Variants in COA1 observed in about 807,000 individuals in gnomAD.
The protein encoded by COA1 is cytochrome c oxidase assembly factor 1 homolog.
A neutral mutation model predicts 16.0 loss-of-function variants in COA1; 13 were observed. The observed-to-expected ratio is 0.81, with a 90% confidence interval of 0.53 to 1.29. COA1 has a LOEUF of 1.29. Ranked by LOEUF, COA1 falls within the 50% of genes most tolerant of loss-of-function variation. COA1 has a pLI of 0.00. For synonymous variants in COA1, 65 were observed against 65.7 expected, an observed-to-expected ratio of 0.99 and a Z score of 0.05; for missense variants, 179 against 177.0, an observed-to-expected ratio of 1.01 and a Z score of -0.06.
At chr7:43,681,829 GA>G (rs1410018808) in intron 1 of COA1, among the ~76,000 whole-genome samples, 1 of 152,106 alleles carries the variant, frequency 6.6e-6, no homozygotes, top group African/African-American at 2.4e-5. Context: ...TCTTTTAACA[GA>G]AAATAAATGA....
At chr7:43,654,328 G>A (rs930380123) in intron 1 of COA1, among the ~76,000 whole-genome samples, 2 of 152,154 alleles carry the variant, frequency 1.3e-5, no homozygotes, top group African/African-American at 4.8e-5. Context: ...GGAGAGGCAG[G>A]ATTGGCAGCG....
At chr7:43,689,172 G>A (rs1384872138) in intron 1 of COA1, among the ~76,000 whole-genome samples, 1 of 152,230 alleles carries the variant, frequency 6.6e-6, no homozygotes, top group African/African-American at 2.4e-5. Context: ...ATAGAAATGA[G>A]TGATTCCATT....
chr7:43,623,953 A>T, intron 6 of COA1: 1 of 1,190,076 alleles, frequency 8.4e-7, no homozygotes, highest in Non-Finnish European at 1.1e-6. Context: ...AGTATTAAAA[A>T]ACTGACAGTT....
chr7:43,666,024 A>G (rs903831520), intron 1 of COA1, among the ~76,000 whole-genome samples: 1 of 152,188 alleles, frequency 6.6e-6, no homozygotes, highest in African/African-American at 2.4e-5. Context: ...GGAGATCTTC[A>G]GTCTACTGAT....
intron 1 of COA1, chr7:43,658,970 G>C (rs1387545116): frequency 2.0e-5 from 3 of 152,362 alleles, no homozygotes; most frequent in African/African-American, 7.2e-5. Flanking sequence ...AGGGAGTCTG[G>C]ATTTTACTCA....
At chr7:43,705,507 G>A (rs2094934238) in intron 1 of COA1, among the ~76,000 whole-genome samples, 1 of 152,240 alleles carries the variant, frequency 6.6e-6, no homozygotes, top group Non-Finnish European at 1.5e-5. Flanking sequence ...GCCAGGCAGG[G>A]AGGGACCCTA....
intron 1 of COA1, among the ~76,000 whole-genome samples, chr7:43,667,624 A>T (rs1441710689): frequency 6.6e-6 from 1 of 152,238 alleles, no homozygotes; most frequent in Admixed American, 6.5e-5. Context: ...AGCCATATTA[A>T]GAACTTTAAC....
At chr7:43,692,954 T>A (rs534506043) in intron 1 of COA1, among the ~76,000 whole-genome samples, 49 of 152,270 alleles carry the variant, frequency 3.2e-4, no homozygotes, top group African/African-American at 1.0e-3. Context: ...GGGAGTTTTT[T>A]AAAAATAAAT....
At chr7:43,665,206 A>C (rs1403785194) in intron 1 of COA1, among the ~76,000 whole-genome samples, 2 of 152,222 alleles carry the variant, frequency 1.3e-5, no homozygotes, top group South Asian at 4.1e-4. Flanking sequence ...GGGGAAAAAA[A>C]CAGACATTTT....
At chr7:43,617,612 G>A (rs764620256) in intron 6 of COA1, among the ~76,000 whole-genome samples, 5 of 152,180 alleles carry the variant, frequency 3.3e-5, no homozygotes, top group Non-Finnish European at 5.9e-5. Context: ...GAAAATAGGA[G>A]TCTGTTTTTG....
chr7:43,611,791 A>G (rs1401867744), intron 6 of COA1, among the ~76,000 whole-genome samples: 1 of 152,160 alleles, frequency 6.6e-6, no homozygotes, highest in Admixed American at 6.5e-5. Flanking sequence ...TTATTTTTTA[A>G]TGATGTTTTA....
At chr7:43,645,619 C>T (rs2089055306) in intron 3 of COA1, 2 of 491,664 alleles carry the variant, frequency 4.1e-6, no homozygotes, top group Non-Finnish European at 7.4e-6. Flanking sequence ...TGCAGATGAC[C>T]TTGGGCCTTG....
chr7:43,699,956 T>C (rs2094657797), intron 1 of COA1, among the ~76,000 whole-genome samples: 1 of 152,090 alleles, frequency 6.6e-6, no homozygotes, highest in African/African-American at 2.4e-5. Flanking sequence ...TACATATATC[T>C]TTATCATCGC....
chr7:43,633,068 G>A (rs1483394208), intron 6 of COA1: 1 of 152,188 alleles, frequency 6.6e-6, no homozygotes, highest in Non-Finnish European at 1.5e-5. Flanking sequence ...CTTGTCCTTT[G>A]AAGCCAGGCA....
chr7:43,665,351 T>G (rs903469047), intron 1 of COA1, among the ~76,000 whole-genome samples: 4 of 152,180 alleles, frequency 2.6e-5, no homozygotes, highest in Admixed American at 2.6e-4. Context: ...CAACTATTAA[T>G]CCAAGGATCT....
intron 1 of COA1, among the ~76,000 whole-genome samples, chr7:43,673,968 G>A (rs1397485146): frequency 6.6e-6 from 1 of 152,026 alleles, no homozygotes; most frequent in African/African-American, 2.4e-5. Flanking sequence ...ACAAAGAAAG[G>A]CACAACAGAC....
chr7:43,718,747 G>T (rs562506134), intron 1 of COA1, among the ~76,000 whole-genome samples: 1 of 152,140 alleles, frequency 6.6e-6, no homozygotes, highest in African/African-American at 2.4e-5. Flanking sequence ...TGAGCTTTAT[G>T]AGGATTTAGA....
chr7:43,719,167 C>T (rs2095455593), intron 1 of COA1, among the ~76,000 whole-genome samples: 1 of 152,022 alleles, frequency 6.6e-6, no homozygotes, highest in Non-Finnish European at 1.5e-5. Context: ...GAGGTTTCAC[C>T]ATGTTGGCCA....
intron 1 of COA1, among the ~76,000 whole-genome samples, chr7:43,704,352 G>A (rs375912139): frequency 1.3e-5 from 2 of 152,118 alleles, no homozygotes; most frequent in East Asian, 3.9e-4. Flanking sequence ...TCCTAAATTT[G>A]CATGTCCCTC....
Sources: gnomAD v4.1 joint callset for allele counts (sites outside exome capture counted in the v4.1 genomes callset) on GRCh38, gnomAD v4.1.1 for gene constraint, MANE v1.5 for transcripts, NCBI Gene and HGNC (gene_info 2026-07-23, HGNC 2026-07-21) for gene names.